The following NDUFC2 variants were observed in gnomAD, a reference collection of about 807,000 sequenced individuals.
NDUFC2 encodes the protein NADH:ubiquinone oxidoreductase subunit C2, also known as NADH dehydrogenase [ubiquinone] 1 subunit C2.
Under a neutral mutation model 10.1 loss-of-function variants are expected in NDUFC2, and 2 were observed. The ratio of observed to expected loss-of-function variants is 0.20; its 90% CI spans 0.08 to 0.62. The LOEUF (loss-of-function observed/expected upper bound fraction) is 0.62. Among genes scored for constraint, NDUFC2 ranks in the 20% least tolerant of loss-of-function variants. NDUFC2 has a pLI of 0.87. For missense variants in NDUFC2, 156 were observed against 159.6 expected (o/e 0.98, Z 0.12); for synonymous variants, 61 against 63.6 (o/e 0.96, Z 0.20).
At chr11:78,077,564 T>G (rs1168149561) in intron 1 of NDUFC2, among the ~76,000 whole-genome samples, 1 of 152,162 alleles carries the variant, frequency 6.6e-6, no homozygotes, top group Non-Finnish European at 1.5e-5. Flanking sequence ...TTTATTTATT[T>G]ATTTATTGGA....
rs1859435379 is a variant in NDUFC2 at position 78,079,680 on chromosome 11, G to A, written c.65C>T (p.Pro22Leu). The A allele has an allele frequency of 1.2e-6, 2 of 1,609,540 alleles. No homozygotes were observed. Among genetic ancestry groups the A allele is most frequent in the Admixed American group, 3.4e-5 (2 of 59,376 alleles). ...FLPDEARSLP[P>L]PKLTDPRLLY... ...GAGCCGCGGGTCGGTCAGCTTGGGC[G>A]GGGGCAGGCTCCGGGCCTCATCCGG... is the stretch of plus-strand genomic sequence containing the variant. The change falls in exon 1 of 3, where the codon CCG becomes CTG. Residue 22 changes from proline to leucine, a missense_variant. Transcript: ENST00000281031.
chr11:78,073,932 C>T (rs1859133905), intron 1 of NDUFC2, among the ~76,000 whole-genome samples: 1 of 151,274 alleles, frequency 6.6e-6, no homozygotes, highest in African/African-American at 2.4e-5. Flanking sequence ...CGTGCAGTGG[C>T]ACAATCACAG....
intron 1 of NDUFC2, among the ~76,000 whole-genome samples, chr11:78,076,819 C>T (rs554714360): frequency 6.6e-6 from 1 of 152,298 alleles, no homozygotes; most frequent in East Asian, 1.9e-4. Flanking sequence ...TTTCAGCCAA[C>T]CTTTACTTCC....
chr11:78,071,838 C>A (rs577242004), intron 2 of NDUFC2, among the ~76,000 whole-genome samples: 36 of 152,170 alleles, frequency 2.4e-4, no homozygotes, highest in African/African-American at 7.7e-4. Flanking sequence ...GAAGAAGGTA[C>A]AACATGTATA....
intron 1 of NDUFC2, among the ~76,000 whole-genome samples, chr11:78,077,254 T>G (rs1859287815): frequency 6.6e-6 from 1 of 151,008 alleles, no homozygotes; most frequent in Non-Finnish European, 1.5e-5. Context: ...AGTGCACCAC[T>G]GCCCTCTAGC....
Position 78,069,905 on chromosome 11 carries a change from C to T in NDUFC2, c.*82G>A, listed in dbSNP as rs770248296. 2.6e-5 allele frequency: 42 copies of T among 1,613,104 alleles called. No individual in the cohort carries two copies. Among genetic ancestry groups the T allele is most frequent in the Admixed American group, 1.0e-4 (6 of 59,928 alleles). On this transcript the variant is annotated 3_prime_UTR_variant, in exon 3 of 3. Coordinates refer to ENST00000281031, the MANE Select transcript of NDUFC2 (RefSeq NM_004549.6). ...GTGTCAACATACAGATTAGCATAAG[C>T]TTCAACTGTCATAAGAAACATGTTC...
In NDUFC2 at chr11:78,068,992, G is replaced by A. The variant is rs1214317903; in HGVS notation, c.*995C>T. ...CATCCTCGAATTCCAGGGCTCAATA[G>A]ATCCTCCCACCTCAGCCTTATGAGT... On this transcript the variant is annotated 3_prime_UTR_variant, in exon 3 of 3. Transcript: ENST00000281031. 1 of 151,902 alleles carries A rather than the reference G, an allele frequency of 6.6e-6. No homozygotes were observed. The highest frequency in any genetic ancestry group is 1.5e-5 in the Non-Finnish European group (1 of 68,008). 9.4% of individuals were successfully genotyped at this position (151,902 alleles called of 1,614,324 possible). A position where few individuals can be genotyped will look rare whatever the true frequency, so the allele number is the denominator to read the frequency against.
intron 1 of NDUFC2, among the ~76,000 whole-genome samples, chr11:78,075,681 C>G (rs1859218576): frequency 6.6e-6 from 1 of 152,156 alleles, no homozygotes; most frequent in Non-Finnish European, 1.5e-5. Context: ...ACCACCCAGG[C>G]TCAAGTGATC....
At chr11:78,074,911 T>C (rs11237379) in intron 1 of NDUFC2, among the ~76,000 whole-genome samples, 57,376 of 152,000 alleles carry the variant, frequency 0.38, 11,790 homozygotes, top group Non-Finnish European at 0.45. Flanking sequence ...ACAGAAAGAC[T>C]CCATAAGCGT....
rs1466658366 is a variant in NDUFC2 at position 78,077,640 on chromosome 11, CA to C, written c.166+1938del. On this transcript the variant is annotated intron_variant, in intron 1 of 2. Transcript: ENST00000281031. ...GTGCAATCGTGGCTCGCTGCAGCCT[CA>C]ACCTCCTGGGCTCAAGTGATTCTCC... Among the ~76,000 whole-genome samples the C allele has an allele frequency of 2.0e-5, 3 of 152,188 alleles. No homozygotes were observed. The East Asian group carries it at 5.8e-4, about 30-fold the overall frequency.
Position 78,079,834 on chromosome 11 carries a change from T to C in NDUFC2, c.-90A>G. On this transcript the variant is annotated 5_prime_UTR_variant, in exon 1 of 3. Transcript: ENST00000281031. ...CACTACCCCGGCCTAAGCGGTCAGC[T>C]TTCTCCTCCTCCTCTGCGCGCCGGA... 1.4e-6 allele frequency: 2 copies of C among 1,472,016 alleles called. No individual in the cohort carries two copies. The highest frequency in any genetic ancestry group is 2.9e-5 in the Admixed American group (1 of 35,000). 91.2% of individuals were successfully genotyped at this position (1,472,016 alleles called of 1,614,324 possible). A position where few individuals can be genotyped will look rare whatever the true frequency, so the allele number is the denominator to read the frequency against.
At chr11:78,070,691 A>T (rs148783828) in intron 2 of NDUFC2, among the ~76,000 whole-genome samples, 2 of 152,350 alleles carry the variant, frequency 1.3e-5, no homozygotes, top group East Asian at 3.9e-4. Flanking sequence ...AGGTGCTGCC[A>T]GGAGTATCCT....
intron 1 of NDUFC2, among the ~76,000 whole-genome samples, chr11:78,077,229 C>T (rs1043252550): frequency 4.0e-5 from 6 of 151,622 alleles, no homozygotes; most frequent in Non-Finnish European, 4.4e-5. Flanking sequence ...GAGGTCGAGG[C>T]TGCAGTGAGC....
chr11:78,079,331 T>C (rs1310969088), intron 1 of NDUFC2, among the ~76,000 whole-genome samples: 3 of 152,086 alleles, frequency 2.0e-5, no homozygotes, highest in Non-Finnish European at 4.4e-5. Context: ...AGGAGAGTAG[T>C]TTCGGGTCCT....
intron 1 of NDUFC2, among the ~76,000 whole-genome samples, chr11:78,076,845 CT>C (rs985822164): frequency 6.6e-6 from 1 of 152,342 alleles, no homozygotes; most frequent in African/African-American, 2.4e-5. Context: ...AGCATTCTCC[CT>C]CCCAACTGTA....
At chr11:78,076,541 CA>C (rs1374725344) in intron 1 of NDUFC2, among the ~76,000 whole-genome samples, 3 of 152,216 alleles carry the variant, frequency 2.0e-5, no homozygotes, top group Non-Finnish European at 4.4e-5. Context: ...ACCATTTCAA[CA>C]AAGTCCTAGG....
intron 1 of NDUFC2, among the ~76,000 whole-genome samples, chr11:78,078,910 G>T (rs1390079926): frequency 1.3e-5 from 2 of 149,778 alleles, no homozygotes; most frequent in Middle Eastern, 3.4e-3. Flanking sequence ...TTTTTTTGTA[G>T]GGACGGGTTT....
At chr11:78,072,876 T>C in intron 2 of NDUFC2, 122 bp downstream of exon 2, 1 of 1,371,950 alleles carries the variant, frequency 7.3e-7, no homozygotes, top group East Asian at 2.5e-5. Context: ...TTTTGGTCTA[T>C]AGACTAAGAT....
At position 78,072,638 on chromosome 11, in the gene NDUFC2, TA is replaced by T. The variant is rs1859058620; in HGVS notation, c.310+359del. ...GAGAGGAGAGTTCAAAGTTAAGAAA[TA>T]TTTAGGAAGTAGAACTGATAAGACC... On this transcript the variant is annotated intron_variant, in intron 2 of 2. Coordinates refer to ENST00000281031, the MANE Select transcript of NDUFC2 (RefSeq NM_004549.6). Among the ~76,000 whole-genome samples the T allele has an allele frequency of 2.6e-5, 4 of 152,154 alleles. No homozygotes were observed. The South Asian group carries it at 8.3e-4, about 32-fold the overall frequency.
Sources: gnomAD v4.1 joint callset for allele counts (sites outside exome capture counted in the v4.1 genomes callset) on GRCh38, gnomAD v4.1.1 for gene constraint, MANE v1.5 for transcripts, NCBI Gene and HGNC (gene_info 2026-07-23, HGNC 2026-07-21) for gene names.